The following VAV1 variants were observed in gnomAD, a reference collection of about 807,000 sequenced individuals.
VAV1 encodes proto-oncogene vav.
VAV1 carries 33 observed loss-of-function variants against 128.1 expected under a neutral mutation model. That is an observed-to-expected ratio of 0.26 (90% CI 0.20 to 0.34). The LOEUF (loss-of-function observed/expected upper bound fraction) is 0.34. Ranked by LOEUF, VAV1 falls within the 10% of genes least tolerant of loss-of-function variation. VAV1 has a pLI of 1.00. For missense variants in VAV1, 715 were observed against 1,093.7 expected (o/e 0.65, Z 4.88); for synonymous variants, 394 against 409.8 (o/e 0.96, Z 0.47).
intron 1 of VAV1, among the ~76,000 whole-genome samples, chr19:6,806,184 T>C (rs1423827475): frequency 6.6e-6 from 1 of 152,102 alleles, no homozygotes; most frequent in African/African-American, 2.4e-5. Flanking sequence ...CCACCCGGGT[T>C]CAAGCAATTC....
chr19:6,833,050 C>T (rs968254628), intron 15 of VAV1, 134 bp from the exon 16 acceptor site: 7 of 754,952 alleles, frequency 9.3e-6, no homozygotes, highest in Middle Eastern at 3.9e-4. Flanking sequence ...AGGGTGAAAA[C>T]GACCCAAAAG....
rs1382621155 is a variant in VAV1 at position 6,828,297 on chromosome 19, G to A, written c.1024-122G>A. ...CTCGGGGATGGGTCACTGGGGTCAT[G>A]TCTCAGCCTCCAGGGTCAGCAGTAC... On this transcript the variant is annotated intron_variant, in intron 10 of 26. Transcript: ENST00000602142. The surrounding 1 kb of genome is among the most constrained non-coding windows in gnomAD (Gnocchi z 4.5). 10 of 1,514,186 alleles carry A rather than the reference G, an allele frequency of 6.6e-6. No homozygotes were observed. Among genetic ancestry groups the A allele is most frequent in the Non-Finnish European group, 8.2e-6 (9 of 1,102,032 alleles). The allele number at this position is 1,514,186 out of a possible 1,614,324, so 93.8% of individuals were successfully genotyped here.
intron 19 of VAV1, 36 bp from the exon 20 acceptor site, chr19:6,836,396 G>T (rs1203292896): frequency 6.3e-7 from 1 of 1,584,270 alleles, no homozygotes; most frequent in East Asian, 2.3e-5. Flanking sequence ...AAAGTTGACT[G>T]CCAACCACCC....
At chr19:6,814,667 C>CTTTCTTTCTTT (rs1568299138) in intron 1 of VAV1, among the ~76,000 whole-genome samples, 441 of 24,824 alleles carry the variant, frequency 0.018, 3 homozygotes, top group South Asian at 0.035. Flanking sequence ...TTCCTTCCTT[C>CTTTCTTTCTTT]CTTCCTTTCT....
intron 1 of VAV1, among the ~76,000 whole-genome samples, chr19:6,803,518 A>C (rs142980433): frequency 3.0e-3 from 455 of 152,274 alleles, no homozygotes; most frequent in African/African-American, 0.011. Context: ...AGTTCCACCT[A>C]CTTCCTCGTA....
intron 1 of VAV1, among the ~76,000 whole-genome samples, chr19:6,785,658 TTTC>T (rs1431517373): frequency 1.5e-4 from 19 of 129,020 alleles, no homozygotes; most frequent in African/African-American, 5.1e-4. Flanking sequence ...TCTTTCTTTC[TTTC>T]TTTTTTTTTT....
At chr19:6,811,138 T>A (rs1971504221) in intron 1 of VAV1, among the ~76,000 whole-genome samples, 1 of 152,096 alleles carries the variant, frequency 6.6e-6, no homozygotes, top group Non-Finnish European at 1.5e-5. Flanking sequence ...CAGGTTCAAG[T>A]GATCCTCCTG....
intron 23 of VAV1, 87 bp from the exon 24 acceptor site, chr19:6,850,583 G>T: frequency 7.7e-7 from 1 of 1,290,324 alleles, no homozygotes; most frequent in South Asian, 1.2e-5. Context: ...TCCCTGAAGG[G>T]GTCAAGGTTG....
chr19:6,809,459 A>T (rs764661277), intron 1 of VAV1, among the ~76,000 whole-genome samples: 1 of 152,160 alleles, frequency 6.6e-6, no homozygotes, highest in South Asian at 2.1e-4. Context: ...AACCTTATAT[A>T]TGAGACCTGG....
intron 22 of VAV1, among the ~76,000 whole-genome samples, chr19:6,847,120 C>G (rs373404205): frequency 2.0e-5 from 3 of 152,032 alleles, no homozygotes; most frequent in East Asian, 1.9e-4. Context: ...CACCATGTTG[C>G]CCAGGCTGGT....
chr19:6,789,587 C>A (rs1970972773), intron 1 of VAV1, among the ~76,000 whole-genome samples: 4 of 150,856 alleles, frequency 2.7e-5, no homozygotes, highest in Non-Finnish European at 4.4e-5. Flanking sequence ...CTTTTCTTTT[C>A]TTTCCCTCCT....
At chr19:6,853,771 G>C (rs900311060) in intron 25 of VAV1, among the ~76,000 whole-genome samples, 176 bp from the exon 26 acceptor site, 1 of 152,076 alleles carries the variant, frequency 6.6e-6, no homozygotes, top group Admixed American at 6.6e-5. Flanking sequence ...TCAGACGGGA[G>C]GATGATGCTG....
chr19:6,848,438 T>C (rs866585572), intron 23 of VAV1, among the ~76,000 whole-genome samples: 2 of 151,046 alleles, frequency 1.3e-5, no homozygotes, highest in African/African-American at 2.4e-5. Flanking sequence ...TCTGACAGAG[T>C]CCCTTTGTCG....
chr19:6,797,328 C>A (rs137929050), intron 1 of VAV1, among the ~76,000 whole-genome samples: 1 of 152,016 alleles, frequency 6.6e-6, no homozygotes, highest in African/African-American at 2.4e-5. Flanking sequence ...GCCTTTTTAC[C>A]CCCTTCACAC....
At chr19:6,804,725 CTTT>C (rs796763550) in intron 1 of VAV1, among the ~76,000 whole-genome samples, 3 of 129,126 alleles carry the variant, frequency 2.3e-5, no homozygotes, top group Admixed American at 7.9e-5. Context: ...CCCATACCTC[CTTT>C]TTTTTTTTTT....
chr19:6,817,712 G>A (rs925657670), intron 1 of VAV1, among the ~76,000 whole-genome samples: 3 of 151,560 alleles, frequency 2.0e-5, no homozygotes, highest in Non-Finnish European at 4.4e-5. Context: ...TCTGAGATGG[G>A]GTCTCGCTCT....
chr19:6,787,950 A>G (rs1970930979), intron 1 of VAV1, among the ~76,000 whole-genome samples: 1 of 151,830 alleles, frequency 6.6e-6, no homozygotes, highest in South Asian at 2.1e-4. Context: ...GGTGACGGGC[A>G]CCTGTAGTCC....
chr19:6,805,716 T>C (rs1409816354), intron 1 of VAV1, among the ~76,000 whole-genome samples: 1 of 151,764 alleles, frequency 6.6e-6, no homozygotes, highest in Non-Finnish European at 1.5e-5. Flanking sequence ...TTGTAATATA[T>C]AATGAAATAA....
chr19:6,815,440 T>C (rs897705589), intron 1 of VAV1, among the ~76,000 whole-genome samples: 1 of 152,060 alleles, frequency 6.6e-6, no homozygotes, highest in South Asian at 2.1e-4. Flanking sequence ...ATCACACCCA[T>C]CATACAGTTG....
Sources: gnomAD v4.1 joint callset for allele counts (sites outside exome capture counted in the v4.1 genomes callset) on GRCh38, gnomAD v4.1.1 for gene constraint, Gnocchi (gnomAD v3.1) non-coding constraint, MANE v1.5 for transcripts, NCBI Gene and HGNC (gene_info 2026-07-23, HGNC 2026-07-21) for gene names.